Variants in FHIT observed in about 807,000 individuals in gnomAD.
FHIT encodes the protein fragile histidine triad diadenosine triphosphatase, also known as bis(5'-adenosyl)-triphosphatase.
Under a neutral mutation model 17.9 loss-of-function variants are expected in FHIT, and 19 were observed. That is an observed-to-expected ratio of 1.06 (90% CI 0.74 to 1.56). FHIT has a LOEUF of 1.56. Ranked by LOEUF, FHIT falls within the 40% of genes most tolerant of loss-of-function variation. The probability of loss-of-function intolerance (pLI) is 0.00; values close to 1 mark genes in which losing one functional copy is unlikely to be tolerated. For missense variants in FHIT, 248 were observed against 189.2 expected, an observed-to-expected ratio of 1.31 and a Z score of -1.82; for synonymous variants, 81 against 69.7, an observed-to-expected ratio of 1.16 and a Z score of -0.81.
At chr3:60,580,537 A>G (rs2037718109) in intron 4 of FHIT, among the ~76,000 whole-genome samples, 1 of 152,076 alleles carries the variant, frequency 6.6e-6, no homozygotes, top group Non-Finnish European at 1.5e-5. Flanking sequence ...TGTATGGTTA[A>G]TATTAATTTC....
chr3:60,009,408 G>C (rs1700057402), intron 7 of FHIT, among the ~76,000 whole-genome samples: 1 of 152,036 alleles, frequency 6.6e-6, no homozygotes, highest in African/African-American at 2.4e-5. Context: ...TAAATAATCA[G>C]GGTGATGATA....
intron 3 of FHIT, among the ~76,000 whole-genome samples, chr3:60,847,737 T>C (rs570993752): frequency 6.6e-6 from 1 of 152,024 alleles, no homozygotes; most frequent in Non-Finnish European, 1.5e-5. Flanking sequence ...TTCCTTACCT[T>C]GAAATTTCTG....
At chr3:60,779,801 G>A (rs889691319) in intron 4 of FHIT, among the ~76,000 whole-genome samples, 1 of 152,184 alleles carries the variant, frequency 6.6e-6, no homozygotes, top group Non-Finnish European at 1.5e-5. Flanking sequence ...CAGCACAGGT[G>A]AGCGTGACTG....
At chr3:60,995,009 A>C (rs1195665134) in intron 3 of FHIT, among the ~76,000 whole-genome samples, 1 of 152,212 alleles carries the variant, frequency 6.6e-6, no homozygotes, top group African/African-American at 2.4e-5. Context: ...ATTATTCCAG[A>C]GAGAACCCAC....
At chr3:60,528,064 C>T (rs2035639910) in intron 5 of FHIT, among the ~76,000 whole-genome samples, 1 of 152,164 alleles carries the variant, frequency 6.6e-6, no homozygotes, top group Admixed American at 6.5e-5. Flanking sequence ...ACCTTGAACT[C>T]CTGGGCTAAA....
chr3:60,166,110 C>A (rs1394219557), intron 5 of FHIT, among the ~76,000 whole-genome samples: 1 of 151,692 alleles, frequency 6.6e-6, no homozygotes, highest in Non-Finnish European at 1.5e-5. Flanking sequence ...TTAAGCAAAT[C>A]ATGAGAATCA....
intron 5 of FHIT, among the ~76,000 whole-genome samples, chr3:60,447,191 GTTCT>G (rs1233881874): frequency 6.6e-6 from 1 of 151,994 alleles, no homozygotes; most frequent in African/African-American, 2.4e-5. Context: ...TGTCTTGGCA[GTTCT>G]TTGTTATCTT....
At chr3:60,814,658 T>C (rs1553737064) in intron 4 of FHIT, among the ~76,000 whole-genome samples, 1 of 152,162 alleles carries the variant, frequency 6.6e-6, no homozygotes, top group East Asian at 1.9e-4. Context: ...AATAGTGCTG[T>C]GACAATGAAC....
chr3:60,188,163 C>T lies in FHIT; in HGVS notation c.104-174011G>A, dbSNP rs541399356. On this transcript the variant is annotated intron_variant, in intron 5 of 9. Coordinates refer to ENST00000492590, the MANE Select transcript of FHIT (RefSeq NM_002012.4). ...ATAGTACAATCCATTGAATGTCAGA[C>T]TCTAACAGGTGTCTATGAACTCAGG... 5.2e-4 allele frequency among the ~76,000 whole-genome samples: 78 copies of T among 150,450 alleles called. No individual in the cohort carries two copies. In the South Asian group the frequency reaches 8.0e-3, roughly 15 times the overall value.
chr3:60,606,997 TGA>T (rs1227002472), intron 4 of FHIT, among the ~76,000 whole-genome samples: 1 of 152,172 alleles, frequency 6.6e-6, no homozygotes, highest in African/African-American at 2.4e-5. Context: ...ATTACTACAT[TGA>T]GAGGCTGCTC....
In FHIT at chr3:61,239,118, A is replaced by C. The variant is rs562810856; in HGVS notation, c.-213+12183T>G. 2.6e-5 allele frequency among the ~76,000 whole-genome samples: 4 copies of C among 152,286 alleles called. 1 individual carries two copies. In the South Asian group the frequency reaches 6.2e-4, roughly 24 times the overall value. On this transcript the variant is annotated intron_variant, in intron 1 of 9. Transcript: ENST00000492590. Reference sequence around the variant, plus strand: ...CTGGCCAAAGGGAGGGGAAAAAAAAAGTCTAGAAGTAGTGGAGAAGCAGAT... The same window carrying C: ...CTGGCCAAAGGGAGGGGAAAAAAAACGTCTAGAAGTAGTGGAGAAGCAGAT...
At chr3:61,124,346 G>T (rs768892598) in intron 2 of FHIT, among the ~76,000 whole-genome samples, 68 of 152,142 alleles carry the variant, frequency 4.5e-4, no homozygotes, top group Admixed American at 1.8e-3. Flanking sequence ...CCCGAACTCT[G>T]CTCATTCTCC....
chr3:60,412,288 G>A (rs986306693), intron 5 of FHIT, among the ~76,000 whole-genome samples: 4 of 152,016 alleles, frequency 2.6e-5, no homozygotes, highest in South Asian at 2.1e-4. Context: ...TGAGGAAGGT[G>A]GGGGAAAAGG....
At chr3:60,731,023 T>C (rs7611967) in intron 4 of FHIT, among the ~76,000 whole-genome samples, 101,779 of 151,156 alleles carry the variant, frequency 0.67, 34,546 homozygotes, top group East Asian at 0.82. Flanking sequence ...CCCAGCTACT[T>C]GCGAGGCTGA....
In FHIT at chr3:60,195,403, C is replaced by A. The variant is rs532207986; in HGVS notation, c.104-181251G>T. On this transcript the variant is annotated intron_variant, in intron 5 of 9. Coordinates refer to ENST00000492590, the MANE Select transcript of FHIT (RefSeq NM_002012.4). ...ACCATTCTATCTTGCGATCCCAATA[C>A]TGGGTTTCTACCGAAAGGAAAGTAA... Among the ~76,000 whole-genome samples, 7 of 151,676 alleles carry A rather than the reference C, an allele frequency of 4.6e-5. No homozygotes were observed. In the South Asian group the frequency reaches 1.5e-3, roughly 32 times the overall value.
At chr3:61,187,318 C>G (rs185352296) in intron 2 of FHIT, among the ~76,000 whole-genome samples, 11 of 152,064 alleles carry the variant, frequency 7.2e-5, no homozygotes, top group African/African-American at 2.6e-4. Flanking sequence ...ACAGAAATTT[C>G]CCTCTTTGAC....
chr3:61,059,372 C>CTTTT (rs201797361), intron 2 of FHIT, among the ~76,000 whole-genome samples: 84 of 113,232 alleles, frequency 7.4e-4, no homozygotes, highest in African/African-American at 2.1e-3. Context: ...TTGCTTTTTC[C>CTTTT]TTTTTTTTTT....
intron 8 of FHIT, among the ~76,000 whole-genome samples, chr3:59,812,698 G>A (rs1347337815): frequency 1.3e-5 from 2 of 152,180 alleles, no homozygotes; most frequent in African/African-American, 4.8e-5. Flanking sequence ...TTCCCTGTCT[G>A]CATGGGCTAC....
intron 2 of FHIT, among the ~76,000 whole-genome samples, chr3:61,122,833 C>G (rs1295199302): frequency 1.3e-5 from 2 of 152,088 alleles, no homozygotes; most frequent in African/African-American, 4.8e-5. Context: ...GAATGGCTAT[C>G]ATTAAAAAGT....
Sources: allele counts gnomAD v4.1 joint callset (sites outside exome capture counted in the v4.1 genomes callset), GRCh38; gene constraint gnomAD v4.1.1; transcripts MANE v1.5; gene names NCBI Gene and HGNC (gene_info 2026-07-23, HGNC 2026-07-21).